AGBL4: variants seen among roughly 807,000 people sequenced by gnomAD.
AGBL4 encodes cytosolic carboxypeptidase 6.
A neutral mutation model predicts 66.4 loss-of-function variants in AGBL4; 58 were observed. That is an observed-to-expected ratio of 0.87 (90% CI 0.71 to 1.09). The LOEUF (loss-of-function observed/expected upper bound fraction) is 1.09, where lower values mean the gene tolerates loss of function less well. AGBL4 is among the 50% of genes least tolerant of loss of function. The pLI is 0.00. For missense variants in AGBL4, 579 were observed against 631.0 expected (o/e 0.92, Z 0.88); for synonymous variants, 234 against 222.9 (o/e 1.05, Z -0.44).
intron 3 of AGBL4, among the ~76,000 whole-genome samples, chr1:49,357,495 A>G (rs974812309): frequency 1.3e-5 from 2 of 152,176 alleles, no homozygotes; most frequent in Non-Finnish European, 2.9e-5. Context: ...CCAATTTTGT[A>G]ATAAGTAGCA....
At chr1:49,546,670 T>A (rs879928966) in intron 3 of AGBL4, among the ~76,000 whole-genome samples, 1 of 152,172 alleles carries the variant, frequency 6.6e-6, no homozygotes, top group East Asian at 1.9e-4. Context: ...CAACATCTAC[T>A]GTTTTTTGAT....
intron 4 of AGBL4, among the ~76,000 whole-genome samples, chr1:49,089,626 C>G (rs767513866): frequency 1.3e-5 from 2 of 152,006 alleles, no homozygotes; most frequent in East Asian, 1.9e-4. Context: ...CAGAAAAAGC[C>G]TAGGACCAGA....
At chr1:49,680,446 G>T (rs1281202587) in intron 3 of AGBL4, among the ~76,000 whole-genome samples, 1 of 151,784 alleles carries the variant, frequency 6.6e-6, no homozygotes, top group Non-Finnish European at 1.5e-5. Flanking sequence ...TCATTCATCT[G>T]AGAGTGCCTT....
chr1:48,928,674 A>T (rs1040834608), intron 5 of AGBL4, among the ~76,000 whole-genome samples: 7 of 152,002 alleles, frequency 4.6e-5, no homozygotes, highest in Non-Finnish European at 1.0e-4. Flanking sequence ...AAACCACTCA[A>T]CCTCTCTGGG....
At chr1:48,849,258 T>C (rs1202481233) in intron 6 of AGBL4, among the ~76,000 whole-genome samples, 2 of 152,244 alleles carry the variant, frequency 1.3e-5, no homozygotes, top group Non-Finnish European at 2.9e-5. Context: ...AAACTGGCCT[T>C]TGCCTTTATT....
chr1:48,591,547 C>T (rs890437214), intron 9 of AGBL4, among the ~76,000 whole-genome samples: 5 of 152,024 alleles, frequency 3.3e-5, no homozygotes, highest in Admixed American at 1.3e-4. Context: ...AGCATTATAT[C>T]GGGAATCAAA....
chr1:49,622,821 G>A (rs1436781794), intron 3 of AGBL4, among the ~76,000 whole-genome samples: 1 of 151,928 alleles, frequency 6.6e-6, no homozygotes, highest in Non-Finnish European at 1.5e-5. Context: ...GATATTTTGT[G>A]CTTCATTCCC....
At chr1:49,457,343 C>T (rs767622300) in intron 3 of AGBL4, among the ~76,000 whole-genome samples, 4 of 151,736 alleles carry the variant, frequency 2.6e-5, no homozygotes, top group Non-Finnish European at 4.4e-5. Flanking sequence ...AGCATTTTTC[C>T]ATATGCTCAT....
chr1:49,980,925 G>A (rs189046014), intron 1 of AGBL4, among the ~76,000 whole-genome samples: 32 of 152,182 alleles, frequency 2.1e-4, no homozygotes, highest in South Asian at 2.1e-4. Context: ...CTGTACTTCT[G>A]CTAGTACCAA....
chr1:49,418,457 G>A (rs1053337300), intron 3 of AGBL4, among the ~76,000 whole-genome samples: 11 of 152,160 alleles, frequency 7.2e-5, no homozygotes, highest in African/African-American at 2.7e-4. Context: ...CTGATATTGA[G>A]TGAATAATTC....
chr1:49,937,850 G>A (rs1654261333), intron 1 of AGBL4, among the ~76,000 whole-genome samples: 1 of 152,040 alleles, frequency 6.6e-6, no homozygotes, highest in Non-Finnish European at 1.5e-5. Context: ...AGTGTGTAGA[G>A]GGATTATACA....
At chr1:49,375,109 G>A (rs1644445186) in intron 3 of AGBL4, among the ~76,000 whole-genome samples, 1 of 152,000 alleles carries the variant, frequency 6.6e-6, no homozygotes, top group Admixed American at 6.6e-5. Context: ...TATTTCCATG[G>A]CCTGGAAAAC....
At chr1:49,633,973 TAA>T (rs1195382517) in intron 3 of AGBL4, among the ~76,000 whole-genome samples, 5 of 150,178 alleles carry the variant, frequency 3.3e-5, no homozygotes, top group Middle Eastern at 3.5e-3. Flanking sequence ...CATAATATTT[TAA>T]GTCAATTTAT....
chr1:49,379,747 T>G (rs1292477217), intron 3 of AGBL4, among the ~76,000 whole-genome samples: 1 of 152,128 alleles, frequency 6.6e-6, no homozygotes, highest in Non-Finnish European at 1.5e-5. Flanking sequence ...TCATGGTGGA[T>G]AAGCTTTTTG....
chr1:49,107,779 T>C (rs1361689420), intron 4 of AGBL4, among the ~76,000 whole-genome samples: 1 of 151,564 alleles, frequency 6.6e-6, no homozygotes, highest in Non-Finnish European at 1.5e-5. Flanking sequence ...ATTCCTTGCC[T>C]GGGTCAATAA....
chr1:49,559,961 G>A lies in AGBL4; in HGVS notation c.282+137352C>T, dbSNP rs144902647. 3.9e-3 allele frequency among the ~76,000 whole-genome samples: 588 copies of A among 151,994 alleles called. 5 individuals carry two copies. The highest frequency in any genetic ancestry group is 0.013 in the African/African-American group (557 of 41,426). On this transcript the variant is annotated intron_variant, in intron 3 of 13. Transcript: ENST00000371839. ...TCTGGAGATCCCTAATACACATCAC[G>A]ACACCCAAGTTCTTTCAAATATCTG...
intron 3 of AGBL4, among the ~76,000 whole-genome samples, chr1:49,266,524 G>A (rs1643922427): frequency 6.6e-6 from 1 of 151,922 alleles, no homozygotes; most frequent in Admixed American, 6.6e-5. Flanking sequence ...AAACAGTTAT[G>A]GGTTTCCTAC....
chr1:49,262,480 CA>C (rs1347620095), intron 3 of AGBL4, among the ~76,000 whole-genome samples: 2 of 152,116 alleles, frequency 1.3e-5, no homozygotes, highest in African/African-American at 2.4e-5. Flanking sequence ...ACAACCCCAT[CA>C]AAAAGTGGGC....
At chr1:49,648,046 G>T (rs1645925866) in intron 3 of AGBL4, among the ~76,000 whole-genome samples, 3 of 152,092 alleles carry the variant, frequency 2.0e-5, no homozygotes, top group African/African-American at 7.2e-5. Context: ...AAATGGCAGG[G>T]ATGGTGAAAT....
Sources: gnomAD v4.1 joint callset for allele counts (sites outside exome capture counted in the v4.1 genomes callset) on GRCh38, gnomAD v4.1.1 for gene constraint, MANE v1.5 for transcripts, NCBI Gene and HGNC (gene_info 2026-07-23, HGNC 2026-07-21) for gene names.